The following USP32 variants were observed in gnomAD, a reference collection of about 807,000 sequenced individuals.
USP32 encodes ubiquitin specific peptidase 32.
USP32 carries 59 observed loss-of-function variants against 204.8 expected under a neutral mutation model. The observed-to-expected ratio is 0.29, with a 90% CI of 0.23 to 0.36. USP32 has a LOEUF of 0.36. Ranked by LOEUF, USP32 falls within the 10% of genes least tolerant of loss-of-function variation. The probability of loss-of-function intolerance (pLI) is 1.00; values close to 1 mark genes in which losing one functional copy is unlikely to be tolerated. For missense variants in USP32, 1,160 were observed against 1,946.4 expected (o/e 0.60, Z 7.60); for synonymous variants, 517 against 678.4 (o/e 0.76, Z 3.70).
Position 60,408,440 on chromosome 17 carries a change from C to T in USP32, c.106+13806G>A, listed in dbSNP as rs182037770. 7.9e-5 allele frequency among the ~76,000 whole-genome samples: 12 copies of T among 151,644 alleles called. No individual in the cohort carries two copies. The East Asian group carries it at 2.2e-3, about 27-fold the overall frequency. On this transcript the variant is annotated intron_variant, in intron 1 of 3. Coordinates refer to the USP32 transcript ENST00000588898. ...TCCCCCAGGCTGGAGTGCAGTGGCA[C>T]GATCTTGGCTCACTGCAAGCTCTGC...
At chr17:60,179,716 G>C (rs2084051313) in intron 33 of USP32, among the ~76,000 whole-genome samples, 1 of 152,188 alleles carries the variant, frequency 6.6e-6, no homozygotes, top group African/African-American at 2.4e-5. Flanking sequence ...CTGTCACCAG[G>C]CTGGTGTGCA....
intron 16 of USP32, among the ~76,000 whole-genome samples, chr17:60,218,422 T>C (rs1279057482): frequency 6.6e-6 from 1 of 152,144 alleles, no homozygotes; most frequent in Non-Finnish European, 1.5e-5. Context: ...AATCTTCATA[T>C]ATTAAATGAA....
At chr17:60,364,326 C>A (rs1450907775) in intron 1 of USP32, among the ~76,000 whole-genome samples, 1 of 152,174 alleles carries the variant, frequency 6.6e-6, no homozygotes, top group Non-Finnish European at 1.5e-5. Flanking sequence ...TATAAGGGAA[C>A]AAACACTCAG....
chr17:60,288,802 G>A, intron 4 of USP32, 120 bp from the exon 5 acceptor site: 1 of 798,972 alleles, frequency 1.3e-6, no homozygotes, highest in Non-Finnish European at 2.0e-6. Context: ...ACAAAGGAAG[G>A]ATTATCTAAT....
At chr17:60,293,803 G>C (rs541208876) in intron 4 of USP32, among the ~76,000 whole-genome samples, 1 of 152,172 alleles carries the variant, frequency 6.6e-6, no homozygotes, top group African/African-American at 2.4e-5. Context: ...ATGGAGGACT[G>C]TCATACTGGT....
chr17:60,271,323 A>G (rs766361934), intron 6 of USP32, 27 bp downstream of exon 6: 15 of 1,611,786 alleles, frequency 9.3e-6, no homozygotes, highest in Non-Finnish European at 1.3e-5. Context: ...ACCAGTGAAC[A>G]TATGTAGAAA....
chr17:60,219,784 T>C lies in USP32; in HGVS notation c.1753A>G (p.Ile585Val). The C allele has an allele frequency of 2.5e-6, 4 of 1,610,112 alleles. No individual in the cohort carries two copies. The highest frequency in any genetic ancestry group is 3.4e-6 in the Non-Finnish European group (4 of 1,178,526). The change falls in exon 16 of 34, where the codon ATC (isoleucine) becomes GTC (valine). Residue 585 changes from isoleucine (I) to valine (V), a missense_variant. This residue lies in a region of USP32 where 37 missense variants were observed against 62.6 expected (regional missense o/e 0.59). Coordinates refer to ENST00000300896, the MANE Select transcript of USP32 (RefSeq NM_032582.4). ...GGGATGTCTGTCTTGCTGTTCTTGA[T>C]AACCTATTGTTTTAAAAGATAAAAA... ...GANLALPRPV[I>V]KNSKTDIPEL...
At chr17:60,296,524 A>G (rs929574665) in intron 3 of USP32, among the ~76,000 whole-genome samples, 1 of 152,230 alleles carries the variant, frequency 6.6e-6, no homozygotes, top group East Asian at 1.9e-4. Context: ...CAGAGAAAGC[A>G]TGGCCCTGCT....
rs377208612 is a variant in USP32, at chr17:60,402,375, T to C, written c.106+19871A>G. On this transcript the variant is annotated intron_variant, in intron 1 of 3. Coordinates refer to the USP32 transcript ENST00000588898. ...AAGTGATTCTCCCACCTCAGCCTCC[T>C]GAGTAGCTGGGACCACAGGCACACA... Among the ~76,000 whole-genome samples, 199 of 151,814 alleles carry C rather than the reference T, an allele frequency of 1.3e-3. 1 individual carries two copies. Among genetic ancestry groups the C allele is most frequent in the African/African-American group, 4.4e-3 (182 of 41,414 alleles).
rs115650131 is a variant in USP32, at chr17:60,186,636, C to T, written c.3643-985G>A. On this transcript the variant is annotated intron_variant, in intron 29 of 33. Coordinates refer to ENST00000300896, the MANE Select transcript of USP32 (RefSeq NM_032582.4). ...TTGCTGAGAAGGCCCCTAATACTCA[C>T]CCAAACCTTTGGGGTCCTGTTAATC... is the stretch of plus-strand genomic sequence containing the variant. Among the ~76,000 whole-genome samples, 207 of 152,278 alleles carry T rather than the reference C, an allele frequency of 1.4e-3. 2 individuals carry two copies. The highest frequency in any genetic ancestry group is 4.5e-3 in the African/African-American group (187 of 41,538).
At chr17:60,325,361 T>A (rs1240616311) in intron 2 of USP32, among the ~76,000 whole-genome samples, 1 of 152,074 alleles carries the variant, frequency 6.6e-6, no homozygotes, top group African/African-American at 2.4e-5. Flanking sequence ...GAGGTTGCAG[T>A]GAGCCAAGGT....
chr17:60,413,837 C>G (rs1482194998), intron 1 of USP32, among the ~76,000 whole-genome samples: 1 of 143,456 alleles, frequency 7.0e-6, no homozygotes, highest in Non-Finnish European at 1.5e-5. Context: ...TGCACTCCAG[C>G]CTGGCGACAG....
At chr17:60,333,181 A>C (rs896963668) in intron 2 of USP32, among the ~76,000 whole-genome samples, 8 of 152,240 alleles carry the variant, frequency 5.3e-5, no homozygotes, top group African/African-American at 1.9e-4. Flanking sequence ...GACTCCAGAA[A>C]AGCTTTACTA....
At chr17:60,274,759 T>C (rs966265867) in intron 5 of USP32, among the ~76,000 whole-genome samples, 16 of 152,160 alleles carry the variant, frequency 1.1e-4, no homozygotes, top group Non-Finnish European at 1.9e-4. Flanking sequence ...TTAAAGGGCA[T>C]TCTTCAGACA....
chr17:60,415,700 C>A (rs62082085), intron 1 of USP32, among the ~76,000 whole-genome samples: 2 of 152,038 alleles, frequency 1.3e-5, no homozygotes, highest in African/African-American at 4.8e-5. Flanking sequence ...CTCTTCAGAC[C>A]CAGCACTCCA....
In USP32 at chr17:60,369,187, G is replaced by A. The variant is rs2089385779; in HGVS notation, c.58+22695C>T. On this transcript the variant is annotated intron_variant, in intron 1 of 33. Coordinates refer to ENST00000300896, the MANE Select transcript of USP32 (RefSeq NM_032582.4). Reference sequence around the variant, plus strand: ...TTTTTTGTATTTTTAGTAGAGACGGGGTTTCACCGTTTTAGCTGGGATGGT... The same window carrying A: ...TTTTTTGTATTTTTAGTAGAGACGGAGTTTCACCGTTTTAGCTGGGATGGT... 2.9e-5 allele frequency among the ~76,000 whole-genome samples: 4 copies of A among 139,016 alleles called. 1 individual carries two copies. The highest frequency in any genetic ancestry group is 3.5e-3 in the Middle Eastern group (1 of 286). 91.2% of individuals were successfully genotyped at this position (139,016 alleles called of 152,430 possible). A position where few individuals can be genotyped will look rare whatever the true frequency, so the allele number is the denominator to read the frequency against.
At chr17:60,398,556 C>T (rs2089914561) in intron 1 of USP32, among the ~76,000 whole-genome samples, 1 of 152,162 alleles carries the variant, frequency 6.6e-6, no homozygotes, top group South Asian at 2.1e-4. Flanking sequence ...GCCTATTTAA[C>T]ATCTTCCCAC....
At chr17:60,334,132 T>A (rs1462861899) in intron 2 of USP32, among the ~76,000 whole-genome samples, 7 of 152,090 alleles carry the variant, frequency 4.6e-5, no homozygotes, top group Non-Finnish European at 1.0e-4. Flanking sequence ...AGTACTTGAG[T>A]TTACTGTAAA....
At chr17:60,287,045 G>A (rs1298048060) in intron 5 of USP32, among the ~76,000 whole-genome samples, 1 of 152,138 alleles carries the variant, frequency 6.6e-6, no homozygotes, top group African/African-American at 2.4e-5. Flanking sequence ...AGCTACTCAG[G>A]AGGCTGAGGC....
Sources: allele counts gnomAD v4.1 joint callset (sites outside exome capture counted in the v4.1 genomes callset), GRCh38; gene constraint gnomAD v4.1.1; regional missense constraint gnomAD v4.1.1; transcripts MANE v1.5; gene names NCBI Gene and HGNC (gene_info 2026-07-23, HGNC 2026-07-21).